Variants in ANO4 observed in about 807,000 individuals in gnomAD.
The protein encoded by ANO4 is anoctamin 4, also known as anoctamin-4.
ANO4 carries 69 observed loss-of-function variants against 141.9 expected under a neutral mutation model. That is an observed-to-expected ratio of 0.49 (90% CI 0.40 to 0.59). The LOEUF is 0.59. ANO4 is among the 20% of genes least tolerant of loss of function. The pLI, the probability that ANO4 is intolerant of heterozygous loss-of-function variation, is 0.00. For missense variants in ANO4, 894 were observed against 1,162.2 expected, an observed-to-expected ratio of 0.77 and a Z score of 3.36; for synonymous variants, 350 against 394.3, an observed-to-expected ratio of 0.89 and a Z score of 1.33.
rs148379125 is a variant in ANO4, at chr12:100,719,413, A to G, written c.22+1866A>G. On this transcript the variant is annotated intron_variant, in intron 1 of 29. Coordinates refer to the ANO4 transcript ENST00000644049. The stretch of plus-strand genomic sequence containing the variant: ...ATACATTCTTCACCCACTGGATACT[A>G]TTGAGATCATTATCTGATGAGAGCT... Among the ~76,000 whole-genome samples the G allele has an allele frequency of 6.9e-4, 105 of 152,306 alleles. 1 individual carries two copies. Among genetic ancestry groups the G allele is most frequent in the Admixed American group, 1.0e-3 (16 of 15,302 alleles).
chr12:100,761,902 C>T (rs950441011), intron 3 of ANO4, among the ~76,000 whole-genome samples: 10 of 152,140 alleles, frequency 6.6e-5, no homozygotes, highest in Non-Finnish European at 1.5e-4. Flanking sequence ...CACCTGTACC[C>T]ATGGCTCCAA....
chr12:101,090,491 C>T lies in ANO4; in HGVS notation c.1701+3667C>T, dbSNP rs564086595. 5.3e-5 allele frequency among the ~76,000 whole-genome samples: 8 copies of T among 152,176 alleles called. No individual in the cohort carries two copies. In the East Asian group the frequency reaches 1.4e-3, roughly 26 times the overall value. ...GAAACCATCATTCTGAGCAAACTAT[C>T]GCAAGGACAGAAAACCAAACACCGC... On this transcript the variant is annotated intron_variant, in intron 17 of 27. Coordinates refer to ENST00000392977, the MANE Select transcript of ANO4 (RefSeq NM_001286615.2).
At chr12:100,723,071 A>G (rs2030938728) in intron 1 of ANO4, among the ~76,000 whole-genome samples, 1 of 152,176 alleles carries the variant, frequency 6.6e-6, no homozygotes, top group South Asian at 2.1e-4. Context: ...CCTTTTGATT[A>G]AGAAGCTGCA....
At chr12:100,763,339 A>AT (rs1174172140) in intron 3 of ANO4, among the ~76,000 whole-genome samples, 1 of 152,104 alleles carries the variant, frequency 6.6e-6, no homozygotes, top group African/African-American at 2.4e-5. Context: ...TGAGTAACAG[A>AT]TTTTTTCTTA....
chr12:100,825,591 A>T (rs1483369575), intron 1 of ANO4, among the ~76,000 whole-genome samples: 1 of 152,034 alleles, frequency 6.6e-6, no homozygotes, highest in Non-Finnish European at 1.5e-5. Flanking sequence ...AGTAAGAAGA[A>T]CTAGGAAGAT....
chr12:100,737,360 C>T (rs955983529), intron 2 of ANO4, among the ~76,000 whole-genome samples: 1 of 152,202 alleles, frequency 6.6e-6, no homozygotes, highest in Admixed American at 6.5e-5. Flanking sequence ...CTCCTCAGGC[C>T]ATTGCTCTAG....
intron 7 of ANO4, among the ~76,000 whole-genome samples, chr12:100,975,693 G>T (rs1002234401): frequency 6.6e-6 from 1 of 151,558 alleles, no homozygotes; most frequent in Admixed American, 6.6e-5. Context: ...CGCCCACCTC[G>T]GCCTCCCAAA....
At chr12:100,780,445 A>G (rs995565194) in intron 3 of ANO4, among the ~76,000 whole-genome samples, 4 of 152,304 alleles carry the variant, frequency 2.6e-5, no homozygotes, top group East Asian at 1.9e-4. Flanking sequence ...TTTTAATCAT[A>G]TGCTAATTAA....
chr12:101,045,011 T>C (rs2047564536), intron 13 of ANO4, among the ~76,000 whole-genome samples: 1 of 151,122 alleles, frequency 6.6e-6, no homozygotes, highest in Non-Finnish European at 1.5e-5. Context: ...TTTTTTTTAA[T>C]GTGGAAAGAT....
At chr12:100,786,991 C>T (rs2033893254) in intron 3 of ANO4, among the ~76,000 whole-genome samples, 1 of 152,160 alleles carries the variant, frequency 6.6e-6, no homozygotes, top group Non-Finnish European at 1.5e-5. Flanking sequence ...AACACTCTCC[C>T]ATCCCTGAGG....
rs536138546 is a variant in ANO4 at position 101,030,091 on chromosome 12, G to A, written c.842-7004G>A. Among the ~76,000 whole-genome samples the A allele has an allele frequency of 1.3e-3, 191 of 151,926 alleles. 2 individuals carry two copies. Among genetic ancestry groups the A allele is most frequent in the Non-Finnish European group, 1.5e-3 (104 of 67,998 alleles). ...ATCAACAAGGCAGAAAATTAACAAG[G>A]ATATTCAGGACTTGAACTCAGCTCT... On this transcript the variant is annotated intron_variant, in intron 9 of 27. Transcript: ENST00000392977.
chr12:101,054,382 C>T, intron 14 of ANO4, among the ~76,000 whole-genome samples: 1 of 152,020 alleles, frequency 6.6e-6, no homozygotes, highest in East Asian at 1.9e-4. Context: ...AGATTTTTTT[C>T]AACTTTAAGT....
intron 3 of ANO4, among the ~76,000 whole-genome samples, chr12:100,780,032 TG>T (rs1488249786): frequency 2.6e-5 from 4 of 152,132 alleles, no homozygotes; most frequent in African/African-American, 7.2e-5. Flanking sequence ...ATTTTCAATT[TG>T]TTTTTTTTAA....
chr12:101,125,279 G>A (rs2051261530), intron 26 of ANO4, among the ~76,000 whole-genome samples: 1 of 152,062 alleles, frequency 6.6e-6, no homozygotes, highest in African/African-American at 2.4e-5. Flanking sequence ...CCTGTTGTTA[G>A]TGGTTAGGAA....
chr12:100,988,889 G>GAAA (rs57790317), intron 8 of ANO4, among the ~76,000 whole-genome samples: 1 of 78,770 alleles, frequency 1.3e-5, no homozygotes, highest in South Asian at 4.3e-4. Flanking sequence ...AAAAAAAAAA[G>GAAA]AAAGAAAAAC....
intron 8 of ANO4, among the ~76,000 whole-genome samples, chr12:100,991,297 G>A (rs1324360918): frequency 6.6e-6 from 1 of 152,086 alleles, no homozygotes; most frequent in African/African-American, 2.4e-5. Flanking sequence ...TTTTGAGAGT[G>A]ACATTAATGG....
chr12:100,864,650 G>A lies in ANO4; in HGVS notation c.-140-36996G>A, dbSNP rs542198895. ...TTGCCTCAAGGAGCTTTCATATTGT[G>A]TGCGTTCAGTAAAGCAAAAAATAAT... On this transcript the variant is annotated intron_variant, in intron 1 of 27. Transcript: ENST00000392977. Among the ~76,000 whole-genome samples, 10 of 152,190 alleles carry A rather than the reference G, an allele frequency of 6.6e-5. No individual in the cohort carries two copies. The East Asian group carries it at 1.9e-3, about 29-fold the overall frequency.
At chr12:100,847,185 T>C (rs10778081) in intron 1 of ANO4, among the ~76,000 whole-genome samples, 126,058 of 152,186 alleles carry the variant, frequency 0.83, 52,246 homozygotes, top group Admixed American at 0.87. Context: ...ATTGTACTTA[T>C]CACAGTGTCT....
chr12:101,006,449 T>A (rs1299988324), intron 8 of ANO4, among the ~76,000 whole-genome samples: 1 of 152,260 alleles, frequency 6.6e-6, no homozygotes, highest in Non-Finnish European at 1.5e-5. Context: ...CCCTTAGTCC[T>A]AGTAATGCTC....
Sources: allele counts gnomAD v4.1 joint callset (sites outside exome capture counted in the v4.1 genomes callset), GRCh38; gene constraint gnomAD v4.1.1; transcripts MANE v1.5; gene names NCBI Gene and HGNC (gene_info 2026-07-23, HGNC 2026-07-21).